Variants in ANKS1B observed in about 807,000 individuals in gnomAD.
ANKS1B encodes the protein ankyrin repeat and sterile alpha motif domain containing 1B, also known as ankyrin repeat and sterile alpha motif domain-containing protein 1B.
Under a neutral mutation model 148.3 loss-of-function variants are expected in ANKS1B, and 36 were observed. The observed-to-expected ratio is 0.24, with a 90% CI of 0.19 to 0.32. ANKS1B has a LOEUF of 0.32. ANKS1B is among the 10% of genes least tolerant of loss of function. The pLI is 1.00. For missense variants in ANKS1B, 1,157 were observed against 1,542.6 expected (o/e 0.75, Z 4.19); for synonymous variants, 542 against 560.8 (o/e 0.97, Z 0.47).
intron 17 of ANKS1B, among the ~76,000 whole-genome samples, chr12:98,967,648 A>AGGG (rs1568078666): frequency 1.8e-4 from 15 of 84,892 alleles, no homozygotes; most frequent in East Asian, 7.1e-4. Flanking sequence ...AGGGGAGGGA[A>AGGG]GAGGAGGGGA....
intron 11 of ANKS1B, among the ~76,000 whole-genome samples, chr12:99,414,116 T>C (rs906505852): frequency 1.0e-4 from 15 of 148,142 alleles, no homozygotes; most frequent in Non-Finnish European, 1.9e-4. Context: ...AGAGCAGTTA[T>C]ACTTTTTTTT....
At chr12:99,128,257 A>G (rs2065003857) in intron 15 of ANKS1B, among the ~76,000 whole-genome samples, 1 of 152,194 alleles carries the variant, frequency 6.6e-6, no homozygotes, top group Non-Finnish European at 1.5e-5. Flanking sequence ...GTTAAAAACT[A>G]CACAGTAGCT....
intron 3 of ANKS1B, among the ~76,000 whole-genome samples, chr12:99,808,694 T>C (rs959108562): frequency 1.3e-5 from 2 of 152,114 alleles, no homozygotes; most frequent in African/African-American, 4.8e-5. Flanking sequence ...ATTATACAGA[T>C]ATATACCTCC....
chr12:99,393,045 A>G (rs1399718412), intron 12 of ANKS1B, among the ~76,000 whole-genome samples: 1 of 152,164 alleles, frequency 6.6e-6, no homozygotes, highest in African/African-American at 2.4e-5. Context: ...CCTACCTCCA[A>G]TTCATCCAAA....
chr12:99,843,791 T>C (rs191778120), intron 1 of ANKS1B, among the ~76,000 whole-genome samples: 2 of 152,216 alleles, frequency 1.3e-5, no homozygotes, highest in African/African-American at 4.8e-5. Context: ...ATTGCTGGGT[T>C]GAATGGTATT....
At chr12:99,971,823 C>T (rs539620919) in intron 1 of ANKS1B, among the ~76,000 whole-genome samples, 1 of 152,306 alleles carries the variant, frequency 6.6e-6, no homozygotes, top group South Asian at 2.1e-4. Flanking sequence ...AGCTGTGATA[C>T]AACTTTGTTC....
At position 98,880,722 on chromosome 12, in the gene ANKS1B, C is replaced by T. The variant is rs899929143; in HGVS notation, c.2779-48586G>A. On this transcript the variant is annotated intron_variant, in intron 17 of 26. Transcript: ENST00000683438. ...GGCGGAGCTTGCAGTGAGCCGAGAT[C>T]GCGCCACTGCACTCCAGCCTGGGCG... Among the ~76,000 whole-genome samples, 39 of 152,068 alleles carry T rather than the reference C, an allele frequency of 2.6e-4. 1 individual carries two copies. The highest frequency in any genetic ancestry group is 2.0e-3 in the Admixed American group (30 of 15,268).
At chr12:99,910,553 G>T (rs1450908725) in intron 1 of ANKS1B, among the ~76,000 whole-genome samples, 1 of 152,056 alleles carries the variant, frequency 6.6e-6, no homozygotes, top group Admixed American at 6.5e-5. Context: ...TGGGGAGATG[G>T]GAGGAATGGG....
At chr12:99,282,666 T>C (rs2078631098) in intron 12 of ANKS1B, among the ~76,000 whole-genome samples, 1 of 152,132 alleles carries the variant, frequency 6.6e-6, no homozygotes, top group Non-Finnish European at 1.5e-5. Flanking sequence ...GATTTACTGA[T>C]GTATCGGATG....
intron 9 of ANKS1B, among the ~76,000 whole-genome samples, chr12:99,574,660 T>TA (rs34002238): frequency 0.087 from 12,864 of 148,158 alleles, 712 homozygotes; most frequent in East Asian, 0.21. Flanking sequence ...TTCCTCGTAT[T>TA]AAAAAAAAAA....
At chr12:99,181,247 CT>C (rs200363985) in intron 14 of ANKS1B, among the ~76,000 whole-genome samples, 61 of 146,056 alleles carry the variant, frequency 4.2e-4, no homozygotes, top group African/African-American at 8.0e-4. Flanking sequence ...GAAGCCTTGG[CT>C]TTTTTTTTTG....
chr12:99,900,368 T>C (rs985638424), intron 1 of ANKS1B, among the ~76,000 whole-genome samples: 1 of 151,532 alleles, frequency 6.6e-6, no homozygotes, highest in Non-Finnish European at 1.5e-5. Flanking sequence ...TAGCCAGGTA[T>C]GGTTGCAGGT....
intron 9 of ANKS1B, among the ~76,000 whole-genome samples, chr12:99,568,052 T>C (rs938048982): frequency 2.0e-5 from 3 of 152,218 alleles, no homozygotes; most frequent in African/African-American, 7.2e-5. Context: ...TGTATTAGTT[T>C]CTTATTGCTG....
chr12:99,482,619 C>T (rs2096430282), intron 10 of ANKS1B, among the ~76,000 whole-genome samples: 2 of 151,426 alleles, frequency 1.3e-5, no homozygotes, highest in Admixed American at 1.3e-4. Flanking sequence ...TTGCTTTGGG[C>T]AGTATGGTCA....
chr12:99,073,751 C>A (rs1426165843), intron 16 of ANKS1B, among the ~76,000 whole-genome samples: 3 of 152,150 alleles, frequency 2.0e-5, no homozygotes, highest in Non-Finnish European at 4.4e-5. Flanking sequence ...GATTCCTGTT[C>A]TTGCTTTTAG....
intron 9 of ANKS1B, among the ~76,000 whole-genome samples, chr12:99,650,480 C>A (rs574974439): frequency 9.5e-4 from 145 of 152,294 alleles, no homozygotes; most frequent in Admixed American, 2.3e-3. Context: ...ATCATACTTT[C>A]CAGAAAGGGC....
chr12:99,633,083 T>C (rs1045821795), intron 9 of ANKS1B, among the ~76,000 whole-genome samples: 1 of 151,684 alleles, frequency 6.6e-6, no homozygotes, highest in Non-Finnish European at 1.5e-5. Context: ...ACAAAGGACA[T>C]GAACTCATCA....
intron 12 of ANKS1B, among the ~76,000 whole-genome samples, chr12:99,375,752 T>C (rs540609108): frequency 1.3e-5 from 2 of 152,186 alleles, no homozygotes; most frequent in East Asian, 1.9e-4. Flanking sequence ...CTTGAAACTA[T>C]TTTCAGAAAA....
intron 17 of ANKS1B, among the ~76,000 whole-genome samples, chr12:98,910,955 T>C (rs1003672557): frequency 4.6e-5 from 7 of 152,276 alleles, no homozygotes; most frequent in South Asian, 4.1e-4. Context: ...CAAGGCAGGA[T>C]ACTGGCAAAA....
Sources: allele counts gnomAD v4.1 joint callset (sites outside exome capture counted in the v4.1 genomes callset), GRCh38; gene constraint gnomAD v4.1.1; transcripts MANE v1.5; gene names NCBI Gene and HGNC (gene_info 2026-07-23, HGNC 2026-07-21).